The following WLS variants were observed in gnomAD, a reference collection of about 807,000 sequenced individuals.
WLS encodes protein wntless homolog.
WLS carries 23 observed loss-of-function variants against 62.8 expected under a neutral mutation model. That is an observed-to-expected ratio of 0.37 (90% CI 0.26 to 0.52). WLS has a LOEUF of 0.52. WLS is among the 20% of genes least tolerant of loss of function. The pLI is 0.92. For missense variants in WLS, 615 were observed against 697.3 expected (o/e 0.88, Z 1.33); for synonymous variants, 246 against 244.1 (o/e 1.01, Z -0.07).
At chr1:68,193,850 G>T in intron 2 of WLS, 105 bp downstream of exon 2, 1 of 1,421,230 alleles carries the variant, frequency 7.0e-7, no homozygotes, top group Non-Finnish European at 9.6e-7. Flanking sequence ...ATAATTGTTT[G>T]CTATTACTAT....
intron 2 of WLS, chr1:68,161,661 A>G: frequency 1.0e-6 from 1 of 969,740 alleles, no homozygotes. Context: ...AATCAGTTAC[A>G]AAGACCATCA....
At chr1:68,201,419 G>GA (rs892875985) in intron 1 of WLS, among the ~76,000 whole-genome samples, 4 of 152,148 alleles carry the variant, frequency 2.6e-5, no homozygotes, top group South Asian at 2.1e-4. Flanking sequence ...AGTTATAGTA[G>GA]ACACTTATGC....
intron 1 of WLS, among the ~76,000 whole-genome samples, chr1:68,221,620 G>C (rs1649944985): frequency 6.6e-6 from 1 of 152,150 alleles, no homozygotes; most frequent in South Asian, 2.1e-4. Context: ...AAAAGAAATA[G>C]AACCTCAAAA....
chr1:68,217,368 C>T (rs1649771607), intron 1 of WLS, among the ~76,000 whole-genome samples: 1 of 152,166 alleles, frequency 6.6e-6, no homozygotes, highest in African/African-American at 2.4e-5. Context: ...ACCCAATGAA[C>T]ACATACAATG....
intron 11 of WLS, among the ~76,000 whole-genome samples, chr1:68,110,284 C>G (rs1045561269): frequency 6.6e-6 from 1 of 151,790 alleles, no homozygotes; most frequent in Non-Finnish European, 1.5e-5. Flanking sequence ...CAAGAATAAT[C>G]TACACTACTT....
intron 8 of WLS, among the ~76,000 whole-genome samples, chr1:68,146,981 G>A (rs1646760678): frequency 6.6e-6 from 1 of 152,064 alleles, no homozygotes; most frequent in Non-Finnish European, 1.5e-5. Flanking sequence ...CTCCTCCCAG[G>A]TTCAAGCGAT....
intron 1 of WLS, among the ~76,000 whole-genome samples, chr1:68,215,855 A>G (rs980488836): frequency 6.6e-6 from 1 of 152,224 alleles, no homozygotes; most frequent in Non-Finnish European, 1.5e-5. Flanking sequence ...AACTAAACCC[A>G]GTAAATTAGT....
chr1:68,145,876 T>C lies in WLS; in HGVS notation c.1271A>G (p.His424Arg), dbSNP rs777234805. Residue 424 changes from histidine to arginine, a missense_variant, in exon 9 of 12, where the codon CAC (histidine) becomes CGC (arginine). Physicochemically the swap from His to Arg is conservative, Grantham distance 29 (BLOSUM62 0). Transcript: ENST00000262348. ...GCCAAGAAATCTGCCCACCTCATAG[T>C]GTAGCCGCCGGACTTTGCTCATAGC... Reference protein sequence around the residue: ...LPAMSKVRRLHYEGLIFRFKF... With the variant: ...LPAMSKVRRLRYEGLIFRFKF... The C allele has an allele frequency of 2.7e-5, 44 of 1,614,016 alleles. No individual in the cohort carries two copies. The Admixed American group carries it at 4.7e-4, about 17-fold the overall frequency.
chr1:68,100,057 GT>G (rs1312064583), intron 11 of WLS, among the ~76,000 whole-genome samples: 2 of 152,320 alleles, frequency 1.3e-5, no homozygotes, highest in East Asian at 3.9e-4. Context: ...AGAGAAAACA[GT>G]TTTTACCAGC....
At chr1:68,116,897 G>C in intron 11 of WLS, among the ~76,000 whole-genome samples, 1 of 152,158 alleles carries the variant, frequency 6.6e-6, no homozygotes, top group Non-Finnish European at 1.5e-5. Flanking sequence ...TTTTAATTTT[G>C]AAGGCTAACA....
chr1:68,101,473 A>G (rs1646077639), intron 11 of WLS, among the ~76,000 whole-genome samples: 1 of 152,190 alleles, frequency 6.6e-6, no homozygotes, highest in Non-Finnish European at 1.5e-5. Context: ...GGAAAGAAAG[A>G]ACCTGAAGCT....
rs550082839 is a variant in WLS at position 68,140,117 on chromosome 1, A to G, written c.1363-2184T>C. ...TCCTTTTACATGAAACACATTATTTAGTCTTATTAATGACGCTGTGAGGTA... is the reference window on the plus strand; with the variant it reads ...TCCTTTTACATGAAACACATTATTTGGTCTTATTAATGACGCTGTGAGGTA... On this transcript the variant is annotated intron_variant, in intron 10 of 11. Coordinates refer to ENST00000262348, the MANE Select transcript of WLS (RefSeq NM_024911.7). Among the ~76,000 whole-genome samples, 72 of 152,346 alleles carry G rather than the reference A, an allele frequency of 4.7e-4. 1 individual carries two copies. The highest frequency in any genetic ancestry group is 1.7e-3 in the African/African-American group (70 of 41,584).
intron 3 of WLS, among the ~76,000 whole-genome samples, 189 bp from the exon 4 acceptor site, chr1:68,155,449 T>TCAA (rs995708722): frequency 7.2e-5 from 11 of 152,088 alleles, no homozygotes; most frequent in African/African-American, 1.7e-4. Context: ...AAAACAAACA[T>TCAA]CAACAACAAC....
At chr1:68,172,164 G>A (rs1647163586) in intron 2 of WLS, among the ~76,000 whole-genome samples, 1 of 151,860 alleles carries the variant, frequency 6.6e-6, no homozygotes, top group Non-Finnish European at 1.5e-5. Flanking sequence ...CCTGTTGAGG[G>A]GTGGGGGGAT....
intron 1 of WLS, chr1:68,231,950 C>G (rs890204222): frequency 1.5e-5 from 9 of 592,276 alleles, no homozygotes; most frequent in Admixed American, 5.2e-5. Flanking sequence ...CCGCCGCCCC[C>G]CTCTTGCCTT....
intron 1 of WLS, among the ~76,000 whole-genome samples, chr1:68,197,122 C>T (rs1270505392): frequency 1.3e-5 from 2 of 152,112 alleles, no homozygotes; most frequent in Admixed American, 6.6e-5. Context: ...AAGTCTCTCA[C>T]TTCTCAGGCC....
intron 11 of WLS, among the ~76,000 whole-genome samples, chr1:68,130,889 C>CTTTTTTTTTTTTT (rs56038722): frequency 9.9e-6 from 1 of 100,838 alleles, no homozygotes; most frequent in Non-Finnish European, 1.9e-5. Flanking sequence ...GTTTCTTCTT[C>CTTTTTTTTTTTTT]TTTTTTTTTT....
Position 68,126,159 on chromosome 1 carries a change from A to G in WLS, c.*67T>C, listed in dbSNP as rs1646426874. The G allele has an allele frequency of 1.3e-6, 2 of 1,593,114 alleles. No individual in the cohort carries two copies. The highest frequency in any genetic ancestry group is 1.8e-5 in the Admixed American group (1 of 57,124). On this transcript the variant is annotated 3_prime_UTR_variant, in exon 12 of 12. Transcript: ENST00000262348. Reference sequence around the variant, plus strand: ...ATTTGTACATTGAGCTCTCTCTGGCATGCTCCCCACTCTAGTTAGAGGGGC... The same window carrying G: ...ATTTGTACATTGAGCTCTCTCTGGCGTGCTCCCCACTCTAGTTAGAGGGGC...
intron 2 of WLS, among the ~76,000 whole-genome samples, chr1:68,166,077 G>A (rs1647055854): frequency 6.6e-6 from 1 of 152,092 alleles, no homozygotes; most frequent in Admixed American, 6.5e-5. Flanking sequence ...AATGAAAATT[G>A]TGCACAGTAT....
Sources: allele counts gnomAD v4.1 joint callset (sites outside exome capture counted in the v4.1 genomes callset), GRCh38; gene constraint gnomAD v4.1.1; transcripts MANE v1.5; gene names NCBI Gene and HGNC (gene_info 2026-07-23, HGNC 2026-07-21).